The following PISD variants were observed in gnomAD, a reference collection of about 807,000 sequenced individuals.
PISD encodes the protein phosphatidylserine decarboxylase proenzyme, mitochondrial.
Under a neutral mutation model 43.5 loss-of-function variants are expected in PISD, and 31 were observed. The observed-to-expected ratio is 0.71, with a 90% CI of 0.54 to 0.96. The LOEUF (loss-of-function observed/expected upper bound fraction) is 0.96, where lower values mean the gene tolerates loss of function less well. PISD is among the 40% of genes least tolerant of loss of function. The probability of loss-of-function intolerance (pLI) is 0.00; values close to 1 mark genes in which losing one functional copy is unlikely to be tolerated. For synonymous variants in PISD, 259 were observed against 228.7 expected, an observed-to-expected ratio of 1.13 and a Z score of -1.20; for missense variants, 523 against 548.4, an observed-to-expected ratio of 0.95 and a Z score of 0.46.
chr22:31,619,303 G>T lies in PISD; in HGVS notation c.*309C>A. On this transcript the variant is annotated 3_prime_UTR_variant, in exon 8 of 8. Transcript: ENST00000439502. ...CCGAGACCAACTGAAGGTTCGGTCA[G>T]GAATGCAGGCTCTTCCGTCTATACA... is the stretch of plus-strand genomic sequence containing the variant. 2.7e-6 allele frequency: 1 copy of T among 376,034 alleles called. No homozygotes were observed. Among genetic ancestry groups the T allele is most frequent in the Non-Finnish European group, 5.1e-6 (1 of 196,368 alleles). The allele number at this position is 376,034 out of a possible 1,614,324, so 23.3% of individuals were successfully genotyped here.
chr22:31,654,531 C>A (rs1257820264), intron 1 of PISD, among the ~76,000 whole-genome samples: 3 of 152,168 alleles, frequency 2.0e-5, no homozygotes, highest in Non-Finnish European at 4.4e-5. Flanking sequence ...TCTAACTCAC[C>A]TTCAATCTGC....
chr22:31,634,912 A>G (rs897387748), intron 3 of PISD, among the ~76,000 whole-genome samples: 2 of 151,722 alleles, frequency 1.3e-5, no homozygotes, highest in Admixed American at 6.6e-5. Flanking sequence ...CATGCCTGTA[A>G]TCCCAACACT....
rs116709791 is a variant in PISD at position 31,628,813 on chromosome 22, G to C, written c.322-6928C>G. The C allele has an allele frequency of 1.6e-3, 1,537 of 985,314 alleles. 22 individuals carry two copies. In the African/African-American group the frequency reaches 0.025, roughly 16 times the overall value. The allele number at this position is 985,314 out of a possible 1,614,324, so 61.0% of individuals were successfully genotyped here. A position where few individuals can be genotyped will look rare whatever the true frequency, so the allele number is the denominator to read the frequency against. ...GCTCAGAAACCCCACTTCCACCTAG[G>C]AGCGCGACGCAGCCTCAGACCTGGC... On this transcript the variant is annotated intron_variant, in intron 3 of 7. Transcript: ENST00000439502.
chr22:31,641,713 G>C (rs550573902), intron 3 of PISD, among the ~76,000 whole-genome samples: 7 of 151,120 alleles, frequency 4.6e-5, no homozygotes, highest in Admixed American at 2.6e-4. Flanking sequence ...CCAGCTACTC[G>C]GGAGGCTGAG....
chr22:31,647,222 G>C (rs2073910312), intron 3 of PISD, among the ~76,000 whole-genome samples: 1 of 152,224 alleles, frequency 6.6e-6, no homozygotes, highest in Non-Finnish European at 1.5e-5. Context: ...CCAACCTGCT[G>C]TTTTACTGTT....
At position 31,620,434 on chromosome 22, in the gene PISD, T is replaced by G. The variant is rs2072480816; in HGVS notation, c.1005+119A>C. ...GACAGCTGCTCAGCAGAGCCAGGCC[T>G]GACCAGAGCTGTGGCCTCCCTAGAA... is the stretch of plus-strand genomic sequence containing the variant. On this transcript the variant is annotated intron_variant, in intron 7 of 7. Transcript: ENST00000439502. 5.0e-6 allele frequency: 5 copies of G among 994,460 alleles called. No homozygotes were observed. In the African/African-American group the frequency reaches 8.1e-5, roughly 16 times the overall value. 61.6% of individuals were successfully genotyped at this position (994,460 alleles called of 1,614,324 possible). A position where few individuals can be genotyped will look rare whatever the true frequency, so the allele number is the denominator to read the frequency against.
intron 3 of PISD, among the ~76,000 whole-genome samples, chr22:31,637,385 G>A (rs1569487793): frequency 6.6e-6 from 1 of 150,574 alleles, no homozygotes; most frequent in African/African-American, 2.4e-5. Flanking sequence ...TGTGTTTTTT[G>A]TTTGTTTTTG....
At chr22:31,655,287 C>T (rs1160019690) in intron 1 of PISD, among the ~76,000 whole-genome samples, 1 of 151,460 alleles carries the variant, frequency 6.6e-6, no homozygotes, top group Non-Finnish European at 1.5e-5. Context: ...AAGGTACCAC[C>T]GTTCATCCAG....
rs117471565 is a variant in PISD, at chr22:31,654,300, T to G, written c.66-3522A>C. On this transcript the variant is annotated intron_variant, in intron 1 of 7. Transcript: ENST00000439502. Reference sequence around the variant, plus strand: ...CTGGTTTCTTCTCAGTCTCTATTTGTGAATTCTCCTTTGCTTCCTAACTGT... The same window carrying G: ...CTGGTTTCTTCTCAGTCTCTATTTGGGAATTCTCCTTTGCTTCCTAACTGT... 5.1e-4 allele frequency among the ~76,000 whole-genome samples: 77 copies of G among 152,328 alleles called. No individual in the cohort carries two copies. In the East Asian group the frequency reaches 0.014, roughly 27 times the overall value.
At chr22:31,647,904 G>A (rs2073927828) in intron 3 of PISD, among the ~76,000 whole-genome samples, 197 bp downstream of exon 3, 1 of 152,194 alleles carries the variant, frequency 6.6e-6, no homozygotes, top group Admixed American at 6.5e-5. Flanking sequence ...GGAGACCAGG[G>A]TAAGGTCTGG....
rs990184950 is a variant in PISD, at chr22:31,630,592, G to A, written c.322-8707C>T. ...GCCCGGGCCGTGCCCACGTGGGGACGGAAAAAAAGCCCACGACTCGCTCAA... is the reference window on the plus strand; with the variant it reads ...GCCCGGGCCGTGCCCACGTGGGGACAGAAAAAAAGCCCACGACTCGCTCAA... On this transcript the variant is annotated intron_variant, in intron 3 of 7. Transcript: ENST00000439502. This position sits in a 1 kb window ranked among gnomAD's most constrained non-coding sequence, Gnocchi z 4.4. 3 of 399,242 alleles carry A rather than the reference G, an allele frequency of 7.5e-6. No individual in the cohort carries two copies. Among genetic ancestry groups the A allele is most frequent in the African/African-American group, 2.2e-5 (1 of 46,166 alleles). 24.7% of individuals were successfully genotyped at this position (399,242 alleles called of 1,614,324 possible).
intron 1 of PISD, among the ~76,000 whole-genome samples, chr22:31,659,803 C>T (rs1202595179): frequency 2.0e-5 from 3 of 151,938 alleles, no homozygotes; most frequent in Non-Finnish European, 4.4e-5. Flanking sequence ...AGGCTGGTCT[C>T]GATCTCCTGA....
intron 2 of PISD, among the ~76,000 whole-genome samples, chr22:31,649,147 G>A (rs550289470): frequency 2.0e-5 from 3 of 152,198 alleles, no homozygotes; most frequent in African/African-American, 4.8e-5. Flanking sequence ...TTGAACCCAG[G>A]AGTTCAAGGT....
intron 1 of PISD, among the ~76,000 whole-genome samples, chr22:31,654,695 A>G (rs553649884): frequency 6.6e-6 from 1 of 152,292 alleles, no homozygotes; most frequent in East Asian, 1.9e-4. Flanking sequence ...TCTGAGGATC[A>G]TTCGGGCTTC....
At chr22:31,623,541 T>C (rs917726696) in intron 3 of PISD, 14 of 857,716 alleles carry the variant, frequency 1.6e-5, no homozygotes, top group African/African-American at 8.6e-5. Flanking sequence ...TGCCCACCAA[T>C]GAACCTTCCG....
At chr22:31,648,341 C>T in intron 2 of PISD, 65 bp from the exon 3 acceptor site, 1 of 1,396,614 alleles carries the variant, frequency 7.2e-7, no homozygotes, top group Non-Finnish European at 9.8e-7. Context: ...CATGCAAACA[C>T]AGCACCAACA....
In PISD at chr22:31,623,761, A is replaced by G. The variant is rs1569482112; in HGVS notation, c.322-1876T>C. 3 of 1,614,194 alleles carry G rather than the reference A, an allele frequency of 1.9e-6. No individual in the cohort carries two copies. The East Asian group carries it at 6.7e-5, about 36-fold the overall frequency. ...GGCAGGAGGTAGTAGAGGACGGTCA[A>G]GGGCCAGGAGCGCAGTTTCAGAGCG... is the stretch of plus-strand genomic sequence containing the variant. On this transcript the variant is annotated intron_variant, in intron 3 of 7. Coordinates refer to ENST00000439502, the MANE Select transcript of PISD (RefSeq NM_001326411.2).
At chr22:31,643,657 T>G (rs1285285241) in intron 3 of PISD, among the ~76,000 whole-genome samples, 5 of 151,968 alleles carry the variant, frequency 3.3e-5, no homozygotes, top group African/African-American at 1.2e-4. Flanking sequence ...TGCCTGTAAT[T>G]CTAGCACTTT....
chr22:31,625,973 G>T, intron 3 of PISD: 8 of 1,473,850 alleles, frequency 5.4e-6, no homozygotes, highest in Non-Finnish European at 6.3e-6. Context: ...CCTGGGTTTG[G>T]TTCAGTCTCG....
Sources: gnomAD v4.1 joint callset for allele counts (sites outside exome capture counted in the v4.1 genomes callset) on GRCh38, gnomAD v4.1.1 for gene constraint, Gnocchi (gnomAD v3.1) non-coding constraint, MANE v1.5 for transcripts, NCBI Gene and HGNC (gene_info 2026-07-23, HGNC 2026-07-21) for gene names.